Variants in PLEKHA7 observed in about 807,000 individuals in gnomAD.
PLEKHA7 encodes pleckstrin homology domain-containing family A member 7.
PLEKHA7 carries 104 observed loss-of-function variants against 170.0 expected under a neutral mutation model. The observed-to-expected ratio is 0.61, with a 90% CI of 0.52 to 0.72. The LOEUF (loss-of-function observed/expected upper bound fraction) is 0.72, where lower values mean the gene tolerates loss of function less well. PLEKHA7 is among the 30% of genes least tolerant of loss of function. PLEKHA7 has a pLI of 0.00. For synonymous variants in PLEKHA7, 648 were observed against 660.8 expected (o/e 0.98, Z 0.30); for missense variants, 1,615 against 1,671.7 (o/e 0.97, Z 0.59).
At chr11:16,968,521 C>T (rs1266986615) in intron 3 of PLEKHA7, among the ~76,000 whole-genome samples, 1 of 152,218 alleles carries the variant, frequency 6.6e-6, no homozygotes, top group African/African-American at 2.4e-5. Flanking sequence ...TCTGCCAGGC[C>T]ATCTGGGGTG....
At chr11:16,896,236 C>T (rs1274265473) in intron 3 of PLEKHA7, among the ~76,000 whole-genome samples, 1 of 152,226 alleles carries the variant, frequency 6.6e-6, no homozygotes, top group Admixed American at 6.5e-5. Context: ...CCTTTGCCAT[C>T]TTCCTAAACT....
chr11:16,783,727 T>C lies in PLEKHA7; in HGVS notation c.3623A>G (p.Lys1208Arg). ...ELQARYRKAE[K>R]IRNILARSSM... ...TGACCGGGCGAGGATGTTGCGGATC[T>C]TCTCGGCTTTGCGGTACCGCGCCTG... Residue 1208 changes from lysine (K) to arginine (R), a missense_variant, in exon 25 of 27, where the codon AAG (lysine) becomes AGG (arginine). Physicochemically the swap from Lys to Arg is conservative, Grantham distance 26. Coordinates refer to ENST00000531066, the MANE Select transcript of PLEKHA7 (RefSeq NM_001329630.2). 6.7e-7 allele frequency: 1 copy of C among 1,488,136 alleles called. No individual in the cohort carries two copies. The highest frequency in any genetic ancestry group is 8.9e-7 in the Non-Finnish European group (1 of 1,123,708). 92.2% of individuals were successfully genotyped at this position (1,488,136 alleles called of 1,614,324 possible).
At chr11:16,911,065 T>A (rs572796684) in intron 3 of PLEKHA7, among the ~76,000 whole-genome samples, 8 of 152,378 alleles carry the variant, frequency 5.3e-5, no homozygotes, top group African/African-American at 1.2e-4. Flanking sequence ...ATTCCTCGGT[T>A]TTATTCCCAG....
At chr11:16,947,727 G>A (rs1861126316) in intron 3 of PLEKHA7, among the ~76,000 whole-genome samples, 1 of 151,652 alleles carries the variant, frequency 6.6e-6, no homozygotes, top group Non-Finnish European at 1.5e-5. Flanking sequence ...ACCACCCTGG[G>A]CAACATGGTG....
intron 3 of PLEKHA7, among the ~76,000 whole-genome samples, chr11:16,994,532 G>C (rs1164804686): frequency 6.6e-6 from 1 of 152,124 alleles, no homozygotes; most frequent in Non-Finnish European, 1.5e-5. Context: ...TGGAGTCTGA[G>C]TGAACACCAA....
At chr11:16,865,476 C>T (rs542786588) in intron 4 of PLEKHA7, among the ~76,000 whole-genome samples, 66 of 152,284 alleles carry the variant, frequency 4.3e-4, no homozygotes, top group Admixed American at 2.6e-3. Context: ...ATAATCCCAG[C>T]GCTTTGGGAG....
chr11:16,948,649 AACACAC>A (rs113101282), intron 3 of PLEKHA7, among the ~76,000 whole-genome samples: 27 of 92,670 alleles, frequency 2.9e-4, no homozygotes, highest in East Asian at 2.4e-3. Flanking sequence ...GTGAAGGAGG[AACACAC>A]ACACACACAC....
At chr11:16,868,448 G>A (rs1378892026) in intron 4 of PLEKHA7, among the ~76,000 whole-genome samples, 1 of 152,154 alleles carries the variant, frequency 6.6e-6, no homozygotes. Context: ...CAACAGTGGG[G>A]AGATGTATCT....
chr11:16,985,966 T>C (rs1040276581), intron 3 of PLEKHA7, among the ~76,000 whole-genome samples: 7 of 152,252 alleles, frequency 4.6e-5, no homozygotes, highest in African/African-American at 1.7e-4. Flanking sequence ...AAACCCTTGA[T>C]GGCGGGTGGC....
At chr11:16,841,521 G>A (rs202125757) in intron 9 of PLEKHA7, 26 bp downstream of exon 9, 1 of 1,604,808 alleles carries the variant, frequency 6.2e-7, no homozygotes, top group Non-Finnish European at 8.5e-7. Flanking sequence ...GAGGTGCTGT[G>A]GCAGGGACCC....
rs747744414 is a variant in PLEKHA7, at chr11:16,801,693, C to T, written c.2282G>A (p.Arg761Gln). Residue 761 changes from arginine to glutamine, a missense_variant, in exon 16 of 27, where the codon CGA becomes CAA. Coordinates refer to ENST00000531066, the MANE Select transcript of PLEKHA7 (RefSeq NM_001329630.2). The part of the protein sequence containing the change: ...KLLQEDLVHI[R>Q]AELSRESTEM... The stretch of plus-strand genomic sequence containing the variant: ...AGTGGACTCTCTGGAGAGCTCAGCT[C>T]GGATATGGACAAGGTCCTCCTGCAG... 5.6e-6 allele frequency: 9 copies of T among 1,614,090 alleles called. No individual in the cohort carries two copies. Among genetic ancestry groups the T allele is most frequent in the Middle Eastern group, 1.6e-4 (1 of 6,062 alleles).
chr11:16,786,774 G>A (rs759402555), intron 23 of PLEKHA7: 5 of 985,270 alleles, frequency 5.1e-6, no homozygotes, highest in Non-Finnish European at 6.0e-6. Flanking sequence ...TACGTCCCAG[G>A]CTCAGAATTA....
intron 3 of PLEKHA7, among the ~76,000 whole-genome samples, chr11:16,941,928 G>A (rs1052680808): frequency 4.6e-5 from 7 of 152,186 alleles, no homozygotes; most frequent in African/African-American, 9.7e-5. Flanking sequence ...CACCTCTCTC[G>A]AAGGGATTTC....
intron 3 of PLEKHA7, among the ~76,000 whole-genome samples, chr11:16,915,468 C>T (rs937467398): frequency 3.3e-5 from 5 of 151,486 alleles, no homozygotes; most frequent in Non-Finnish European, 7.4e-5. Context: ...CCCACTAACT[C>T]GTCATCTAGC....
At chr11:16,942,038 AC>A (rs1400553430) in intron 3 of PLEKHA7, among the ~76,000 whole-genome samples, 3 of 152,358 alleles carry the variant, frequency 2.0e-5, no homozygotes, top group African/African-American at 7.2e-5. Flanking sequence ...GTGTTTACTC[AC>A]GCGTAAGTTC....
chr11:16,855,998 G>C lies in PLEKHA7; in HGVS notation c.306-84C>G. On this transcript the variant is annotated intron_variant, in intron 4 of 26. Transcript: ENST00000531066. ...GTAAGATCAGTTCCAGGTAGGAATC[G>C]GTTGTTGGGCCTTAGAACAACCCAA... 5 of 1,187,186 alleles carry C rather than the reference G, an allele frequency of 4.2e-6. No homozygotes were observed. In the East Asian group the frequency reaches 1.2e-4, roughly 28 times the overall value. 73.5% of individuals were successfully genotyped at this position (1,187,186 alleles called of 1,614,324 possible). A position where few individuals can be genotyped will look rare whatever the true frequency, so the allele number is the denominator to read the frequency against.
intron 3 of PLEKHA7, among the ~76,000 whole-genome samples, chr11:16,896,810 C>G (rs1857022044): frequency 6.6e-6 from 1 of 152,210 alleles, no homozygotes; most frequent in Admixed American, 6.5e-5. Flanking sequence ...CCAGGGGTGT[C>G]TCAGTATCTT....
Position 16,782,888 on chromosome 11 carries a change from T to A in PLEKHA7, c.3659A>T (p.Asn1220Ile). The A allele has an allele frequency of 6.5e-7, 1 of 1,536,040 alleles. No homozygotes were observed. The highest frequency in any genetic ancestry group is 8.7e-7 in the Non-Finnish European group (1 of 1,146,858). The change falls in exon 26 of 27, where the codon AAC becomes ATC. Residue 1220 changes from asparagine (N) to isoleucine (I), a missense_variant. Transcript: ENST00000531066. ...GTCCTGGCCTGAGGTCGGCTGTAGG[T>A]TGCACATGCTGTAGGAGGGTCGGAA... ...RNILARSSMC[N>I]LQPTSGQDQN... is the part of the protein sequence containing the mutation.
chr11:16,889,173 C>T (rs567871384), intron 3 of PLEKHA7, among the ~76,000 whole-genome samples: 36 of 145,446 alleles, frequency 2.5e-4, no homozygotes, highest in South Asian at 2.1e-4. Context: ...CCACCTTAAC[C>T]GATCAATCAA....
Sources: gnomAD v4.1 joint callset for allele counts (sites outside exome capture counted in the v4.1 genomes callset) on GRCh38, gnomAD v4.1.1 for gene constraint, MANE v1.5 for transcripts, NCBI Gene and HGNC (gene_info 2026-07-23, HGNC 2026-07-21) for gene names.